Variants in CDH13 observed in about 807,000 individuals in gnomAD.
CDH13 encodes cadherin 13, also known as cadherin-13.
Under a neutral mutation model 63.8 loss-of-function variants are expected in CDH13, and 24 were observed. The observed-to-expected ratio is 0.38, with a 90% confidence interval of 0.27 to 0.53. The LOEUF (loss-of-function observed/expected upper bound fraction) is 0.53. Ranked by LOEUF, CDH13 falls within the 20% of genes least tolerant of loss-of-function variation. The pLI, the probability that CDH13 is intolerant of heterozygous loss-of-function variation, is 0.85. For synonymous variants in CDH13, 503 were observed against 355.3 expected, an observed-to-expected ratio of 1.42 and a Z score of -4.67; for missense variants, 1,049 against 903.1, an observed-to-expected ratio of 1.16 and a Z score of -2.07.
chr16:83,672,407 C>CTTTTTT (rs1379215242), intron 9 of CDH13, among the ~76,000 whole-genome samples: 4 of 55,186 alleles, frequency 7.2e-5, no homozygotes, highest in Non-Finnish European at 1.5e-4. Context: ...TCTCTGGATT[C>CTTTTTT]TCTTTTTTTT....
At chr16:83,090,544 A>C (rs574901901) in intron 3 of CDH13, among the ~76,000 whole-genome samples, 3 of 150,002 alleles carry the variant, frequency 2.0e-5, no homozygotes, top group Admixed American at 6.7e-5. Flanking sequence ...ATTGCACTCC[A>C]GACTGGGCGA....
intron 1 of CDH13, among the ~76,000 whole-genome samples, chr16:82,778,852 C>T (rs1366533073): frequency 6.6e-6 from 1 of 152,166 alleles, no homozygotes; most frequent in Non-Finnish European, 1.5e-5. Context: ...ATTTAAAATG[C>T]TTAGATTAGC....
intron 7 of CDH13, among the ~76,000 whole-genome samples, chr16:83,527,516 C>A (rs190981525): frequency 6.6e-6 from 1 of 152,200 alleles, no homozygotes; most frequent in Non-Finnish European, 1.5e-5. Context: ...CTGCGTTAAC[C>A]GCAGCACAGG....
chr16:83,337,129 T>C (rs1458631102), intron 5 of CDH13, among the ~76,000 whole-genome samples: 1 of 152,220 alleles, frequency 6.6e-6, no homozygotes, highest in Non-Finnish European at 1.5e-5. Context: ...GCATTTTACG[T>C]ACAGCCAATT....
At chr16:82,797,063 G>T (rs2038429930) in intron 1 of CDH13, among the ~76,000 whole-genome samples, 1 of 152,216 alleles carries the variant, frequency 6.6e-6, no homozygotes, top group South Asian at 2.1e-4. Context: ...CTTGTCATGA[G>T]TTATTCCTCA....
intron 7 of CDH13, among the ~76,000 whole-genome samples, chr16:83,557,379 A>T (rs2075625408): frequency 6.6e-6 from 1 of 152,226 alleles, no homozygotes; most frequent in South Asian, 2.1e-4. Context: ...GACTCATCCC[A>T]AAACCATCCC....
chr16:83,493,377 A>C (rs2074063024), intron 7 of CDH13, among the ~76,000 whole-genome samples: 1 of 152,254 alleles, frequency 6.6e-6, no homozygotes, highest in African/African-American at 2.4e-5. Context: ...AAAGCTAGTA[A>C]ATAAGTATTG....
chr16:83,222,078 T>A (rs1182967711), intron 5 of CDH13, among the ~76,000 whole-genome samples: 2 of 152,192 alleles, frequency 1.3e-5, no homozygotes, highest in Non-Finnish European at 2.9e-5. Flanking sequence ...CATCTCATCT[T>A]CATAAAGATA....
chr16:83,730,894 T>G (rs1365875576), intron 10 of CDH13, among the ~76,000 whole-genome samples: 1 of 152,204 alleles, frequency 6.6e-6, no homozygotes, highest in East Asian at 1.9e-4. Context: ...AGCTCCCACT[T>G]AGAACTGAGA....
intron 2 of CDH13, among the ~76,000 whole-genome samples, chr16:82,911,569 A>C (rs1376934996): frequency 6.6e-6 from 1 of 152,166 alleles, no homozygotes; most frequent in African/African-American, 2.4e-5. Context: ...GGATGGTAAT[A>C]GAGCCTATCC....
intron 4 of CDH13, among the ~76,000 whole-genome samples, chr16:83,177,672 T>C (rs968718955): frequency 3.9e-5 from 6 of 152,198 alleles, no homozygotes; most frequent in African/African-American, 1.4e-4. Context: ...CACATAGGGA[T>C]AAGCCTGTCA....
intron 4 of CDH13, among the ~76,000 whole-genome samples, chr16:83,125,905 C>T (rs1378859619): frequency 2.6e-5 from 4 of 152,068 alleles, no homozygotes; most frequent in South Asian, 2.1e-4. Flanking sequence ...ACCACTGGGT[C>T]GGTTTTCCAA....
chr16:82,755,826 T>C (rs1279442224), intron 1 of CDH13, among the ~76,000 whole-genome samples: 2 of 152,238 alleles, frequency 1.3e-5, no homozygotes, highest in African/African-American at 4.8e-5. Flanking sequence ...TTGTTTTGGT[T>C]ATGTGCCTTG....
chr16:83,012,904 G>C (rs888400286), intron 2 of CDH13, among the ~76,000 whole-genome samples: 3 of 152,100 alleles, frequency 2.0e-5, no homozygotes, highest in East Asian at 1.9e-4. Context: ...AAAAATTAAA[G>C]GCAATACAAT....
intron 4 of CDH13, among the ~76,000 whole-genome samples, chr16:83,168,053 G>A (rs1381780002): frequency 6.6e-6 from 1 of 151,906 alleles, no homozygotes; most frequent in Admixed American, 6.6e-5. Context: ...TACTAGAGTG[G>A]GGAGGGAAAG....
At chr16:83,532,179 A>T (rs1446385321) in intron 7 of CDH13, among the ~76,000 whole-genome samples, 1 of 152,098 alleles carries the variant, frequency 6.6e-6, no homozygotes, top group African/African-American at 2.4e-5. Context: ...ACCACAAGGG[A>T]CTGTGAGTCC....
chr16:82,979,067 T>A (rs1022065081), intron 2 of CDH13, among the ~76,000 whole-genome samples: 1 of 152,180 alleles, frequency 6.6e-6, no homozygotes, highest in Non-Finnish European at 1.5e-5. Context: ...TTTTTGAACT[T>A]TAAGGTTTAA....
intron 10 of CDH13, chr16:83,717,752 C>G (rs1909140033): frequency 6.6e-6 from 1 of 152,260 alleles, no homozygotes; most frequent in Non-Finnish European, 1.5e-5. Flanking sequence ...ACCAGCTCCC[C>G]TGCATGCAAA....
chr16:83,579,800 G>A (rs886736908), intron 7 of CDH13, among the ~76,000 whole-genome samples: 3 of 151,824 alleles, frequency 2.0e-5, no homozygotes, highest in African/African-American at 7.3e-5. Context: ...CAGATATTAT[G>A]TTAAATGTAG....
Sources: allele counts gnomAD v4.1 joint callset (sites outside exome capture counted in the v4.1 genomes callset), GRCh38; gene constraint gnomAD v4.1.1; transcripts MANE v1.5; gene names NCBI Gene and HGNC (gene_info 2026-07-23, HGNC 2026-07-21).